ZNF532: variants seen among roughly 807,000 people sequenced by gnomAD.
ZNF532 encodes zinc finger protein 532.
A neutral mutation model predicts 89.3 loss-of-function variants in ZNF532; 22 were observed. That is an observed-to-expected ratio of 0.25 (90% confidence interval 0.18 to 0.35). The LOEUF is 0.35. ZNF532 is among the 10% of genes least tolerant of loss of function. ZNF532 has a pLI of 1.00. For missense variants in ZNF532, 1,132 were observed against 1,643.4 expected (o/e 0.69, Z 5.38); for synonymous variants, 606 against 649.6 (o/e 0.93, Z 1.02).
chr18:58,920,255 C>T lies in ZNF532; in HGVS notation c.1968C>T (p.Tyr656=). 1 of 1,613,956 alleles carries T rather than the reference C, an allele frequency of 6.2e-7. No homozygotes were observed. The highest frequency in any genetic ancestry group is 8.5e-7 in the Non-Finnish European group (1 of 1,179,850). The change falls in exon 3 of 10, where the codon TAC becomes TAT. Residue 656 remains tyrosine, a synonymous_variant. Transcript: ENST00000591808. Reference sequence around the variant, plus strand: ...ATTGTACAAAGAACCTCGTTTTTTACAACAAATGCAGCCTCCTTTCCCATG... The same window carrying T: ...ATTGTACAAAGAACCTCGTTTTTTATAACAAATGCAGCCTCCTTTCCCATG... The part of the protein sequence containing the change: ...CNHCTKNLVF[Y]NKCSLLSHAR...
chr18:58,951,645 T>TTTTTTTTTTTTTG (rs2064169635), intron 6 of ZNF532, among the ~76,000 whole-genome samples: 8 of 89,012 alleles, frequency 9.0e-5, no homozygotes, highest in Admixed American at 1.6e-4. Flanking sequence ...CTCGCCCTGT[T>TTTTTTTTTTTTTG]GTTTTTTTTT....
intron 2 of ZNF532, among the ~76,000 whole-genome samples, chr18:58,888,697 T>TTATATATATATATA (rs71336305): frequency 6.6e-5 from 3 of 45,306 alleles, no homozygotes; most frequent in African/African-American, 2.4e-4. Context: ...AAAAAAAAAA[T>TTATATATATATATA]TATATATATA....
At chr18:58,887,944 G>A (rs577629354) in intron 2 of ZNF532, among the ~76,000 whole-genome samples, 11 of 152,280 alleles carry the variant, frequency 7.2e-5, no homozygotes, top group African/African-American at 2.6e-4. Context: ...AATTAAAGGA[G>A]CCCTCCCCAA....
intron 2 of ZNF532, among the ~76,000 whole-genome samples, chr18:58,895,046 CCTT>C (rs1281375642): frequency 6.6e-6 from 1 of 152,220 alleles, no homozygotes; most frequent in African/African-American, 2.4e-5. Flanking sequence ...GAGCCATTCT[CCTT>C]CTTTTCCCCT....
chr18:58,966,709 G>A (rs1009634919), intron 7 of ZNF532, among the ~76,000 whole-genome samples: 6 of 147,514 alleles, frequency 4.1e-5, no homozygotes, highest in African/African-American at 1.5e-4. Flanking sequence ...TCCACATCTT[G>A]TGTATAGCCA....
At chr18:58,956,778 T>C (rs1298845060) in intron 7 of ZNF532, among the ~76,000 whole-genome samples, 1 of 152,148 alleles carries the variant, frequency 6.6e-6, no homozygotes, top group Non-Finnish European at 1.5e-5. Context: ...TTCACATGAT[T>C]AGCAGTTCTT....
intron 3 of ZNF532, among the ~76,000 whole-genome samples, chr18:58,923,662 G>A (rs542164468): frequency 2.5e-4 from 38 of 152,254 alleles, no homozygotes; most frequent in African/African-American, 8.9e-4. Context: ...CATCCTTCTC[G>A]TTTGCCAGTC....
At chr18:58,983,605 C>G (rs1187866205) in intron 9 of ZNF532, among the ~76,000 whole-genome samples, 2 of 152,070 alleles carry the variant, frequency 1.3e-5, no homozygotes, top group South Asian at 2.1e-4. Context: ...ATATACCCCC[C>G]CCTTGCTTCC....
chr18:58,963,813 C>T (rs1218304909), intron 7 of ZNF532, among the ~76,000 whole-genome samples: 1 of 136,822 alleles, frequency 7.3e-6, no homozygotes, highest in South Asian at 2.4e-4. Context: ...CAGAGTGAGA[C>T]CCTGTCTCAA....
At chr18:58,982,296 CTTTT>C (rs565279183) in intron 9 of ZNF532, among the ~76,000 whole-genome samples, 159 of 151,952 alleles carry the variant, frequency 1.0e-3, no homozygotes, top group Non-Finnish European at 2.0e-3. Flanking sequence ...AAGAGCAGGA[CTTTT>C]TTTGTTTTTT....
At chr18:58,906,407 C>G (rs1329156348) in intron 2 of ZNF532, among the ~76,000 whole-genome samples, 2 of 152,154 alleles carry the variant, frequency 1.3e-5, no homozygotes. Flanking sequence ...CTTTGACACG[C>G]CCCATCAGTG....
intron 2 of ZNF532, among the ~76,000 whole-genome samples, chr18:58,872,802 C>T (rs980147238): frequency 5.6e-4 from 85 of 151,318 alleles, no homozygotes; most frequent in Middle Eastern, 7.1e-3. Flanking sequence ...CGGGTTCAAG[C>T]GATCCTCCTG....
chr18:58,872,435 ATTCT>A (rs2057063895), intron 2 of ZNF532, among the ~76,000 whole-genome samples: 1 of 152,208 alleles, frequency 6.6e-6, no homozygotes, highest in Admixed American at 6.5e-5. Context: ...TGAGGAACAA[ATTCT>A]TTCTAGGGAT....
chr18:58,919,571 C>T lies in ZNF532; in HGVS notation c.1284C>T (p.Val428=), dbSNP rs768228179. The T allele has an allele frequency of 2.4e-5, 39 of 1,614,030 alleles. No homozygotes were observed. The highest frequency in any genetic ancestry group is 6.6e-5 in the South Asian group (6 of 91,072). The change falls in exon 3 of 10, where the codon GTC becomes GTT. Residue 428 remains valine (V), a synonymous_variant. Transcript: ENST00000591808. This position sits in a 1 kb window ranked among gnomAD's most constrained non-coding sequence, Gnocchi z 6.1. ...CCAGGGCGCCTCTCCAGTCTGCGGT[C>T]GTGACCAATGCAGTTTCCCCTGCAG... The part of the protein sequence containing the change: ...SPPRAPLQSA[V]VTNAVSPAEL...
intron 2 of ZNF532, among the ~76,000 whole-genome samples, chr18:58,888,868 AATATATAT>A (rs2058651188): frequency 2.4e-5 from 1 of 42,238 alleles, no homozygotes; most frequent in Non-Finnish European, 3.8e-5. Flanking sequence ...ATATATATAT[AATATATAT>A]TATATATATA....
At chr18:58,941,972 C>CTCCCTCCG (rs1568379891) in intron 5 of ZNF532, among the ~76,000 whole-genome samples, 1 of 129,496 alleles carries the variant, frequency 7.7e-6, no homozygotes. Context: ...CTCTCCCTCC[C>CTCCCTCCG]TCCCTCCTTC....
intron 7 of ZNF532, among the ~76,000 whole-genome samples, chr18:58,958,658 C>T (rs1269555468): frequency 6.6e-6 from 1 of 152,192 alleles, no homozygotes; most frequent in African/African-American, 2.4e-5. Flanking sequence ...GTTACTTGCA[C>T]ATATGGGAAG....
At chr18:58,954,101 G>GTT in intron 7 of ZNF532, 9 of 1,070,300 alleles carry the variant, frequency 8.4e-6, no homozygotes, top group Non-Finnish European at 1.0e-5. Context: ...AGTAAACCAA[G>GTT]GTTAAAGACA....
chr18:58,918,523 A>G lies in ZNF532; in HGVS notation c.236A>G (p.Lys79Arg). Residue 79 changes from lysine to arginine, a missense_variant, in exon 3 of 10, where the codon AAA (lysine) becomes AGA (arginine). Lys to Arg is a conservative substitution (Grantham distance 26, BLOSUM62 2). Coordinates refer to ENST00000591808, the MANE Select transcript of ZNF532 (RefSeq NM_001375912.1). Reference sequence around the variant, plus strand: ...ATTGACTCTTCCGAGGGCGGGGAGAAAGACGGCCACAACCCCACTGGCAAT... The same window carrying G: ...ATTGACTCTTCCGAGGGCGGGGAGAGAGACGGCCACAACCCCACTGGCAAT... ...RNIDSSEGGE[K>R]DGHNPTGNGL... 6.2e-7 allele frequency: 1 copy of G among 1,614,164 alleles called. No individual in the cohort carries two copies. The highest frequency in any genetic ancestry group is 8.5e-7 in the Non-Finnish European group (1 of 1,180,042).
Sources: allele counts gnomAD v4.1 joint callset (sites outside exome capture counted in the v4.1 genomes callset), GRCh38; gene constraint gnomAD v4.1.1; non-coding constraint Gnocchi (gnomAD v3.1); transcripts MANE v1.5; gene names NCBI Gene and HGNC (gene_info 2026-07-23, HGNC 2026-07-21).